The following FBXL13 variants were observed in gnomAD, a reference collection of about 807,000 sequenced individuals.
FBXL13 encodes the protein F-box and leucine rich repeat protein 13.
A neutral mutation model predicts 83.6 loss-of-function variants in FBXL13; 67 were observed. The observed-to-expected ratio is 0.80, with a 90% CI of 0.66 to 0.98. FBXL13 has a LOEUF of 0.98. Among genes scored for constraint, FBXL13 ranks in the 50% least tolerant of loss-of-function variants. The pLI is 0.00. For synonymous variants in FBXL13, 272 were observed against 299.5 expected, an observed-to-expected ratio of 0.91 and a Z score of 0.95; for missense variants, 822 against 866.5, an observed-to-expected ratio of 0.95 and a Z score of 0.64.
intron 6 of FBXL13, among the ~76,000 whole-genome samples, chr7:103,024,457 G>T (rs559690602): frequency 1.3e-4 from 20 of 150,928 alleles, no homozygotes; most frequent in Middle Eastern, 6.8e-3. Flanking sequence ...AACCCAGGAG[G>T]CGGAGGTTGC....
At chr7:102,893,676 G>A (rs1434693212) in intron 11 of FBXL13, among the ~76,000 whole-genome samples, 2 of 151,352 alleles carry the variant, frequency 1.3e-5, no homozygotes, top group African/African-American at 2.4e-5. Flanking sequence ...GCTGAGGCAG[G>A]AGAATGGTGT....
chr7:102,885,003 T>G (rs1208373789), intron 11 of FBXL13, among the ~76,000 whole-genome samples: 3 of 152,218 alleles, frequency 2.0e-5, no homozygotes, highest in Non-Finnish European at 4.4e-5. Context: ...TAATATCCTA[T>G]TCAATGGAAA....
intron 16 of FBXL13, among the ~76,000 whole-genome samples, chr7:102,856,546 T>C (rs891734381): frequency 7.2e-5 from 11 of 152,218 alleles, no homozygotes; most frequent in African/African-American, 2.7e-4. Context: ...TAACAACATA[T>C]ATGCTTACTA....
At chr7:102,871,490 A>G (rs925767336) in intron 16 of FBXL13, among the ~76,000 whole-genome samples, 47 of 151,698 alleles carry the variant, frequency 3.1e-4, no homozygotes, top group Non-Finnish European at 8.8e-5. Context: ...GGCTCAAGTG[A>G]TCCTCCCACC....
intron 17 of FBXL13, among the ~76,000 whole-genome samples, chr7:102,849,124 T>C (rs572617521): frequency 6.6e-6 from 1 of 152,314 alleles, no homozygotes; most frequent in Admixed American, 6.5e-5. Context: ...TTCTTTGCCA[T>C]ACTTTGCCGT....
At chr7:103,042,450 C>A (rs1226804661) in intron 2 of FBXL13, among the ~76,000 whole-genome samples, 1 of 152,166 alleles carries the variant, frequency 6.6e-6, no homozygotes, top group Non-Finnish European at 1.5e-5. Flanking sequence ...CACTGACTTT[C>A]TTCACAGAAT....
At chr7:102,844,043 C>T (rs1454088691) in intron 17 of FBXL13, among the ~76,000 whole-genome samples, 2 of 152,124 alleles carry the variant, frequency 1.3e-5, no homozygotes, top group African/African-American at 4.8e-5. Flanking sequence ...AGAATATAAG[C>T]CACAAACCAG....
At chr7:103,036,730 T>C (rs1795108786) in intron 2 of FBXL13, among the ~76,000 whole-genome samples, 1 of 152,182 alleles carries the variant, frequency 6.6e-6, no homozygotes, top group South Asian at 2.1e-4. Flanking sequence ...CAGGCTGCTC[T>C]TGAACTCCTG....
At chr7:102,851,001 A>G (rs1805125183) in intron 17 of FBXL13, among the ~76,000 whole-genome samples, 1 of 152,214 alleles carries the variant, frequency 6.6e-6, no homozygotes, top group African/African-American at 2.4e-5. Flanking sequence ...CTGTCAAACA[A>G]CCATTCAGAA....
chr7:102,954,323 T>C (rs1823904280), intron 8 of FBXL13, among the ~76,000 whole-genome samples: 1 of 152,206 alleles, frequency 6.6e-6, no homozygotes. Flanking sequence ...AATAAGATCC[T>C]TTACAGACAA....
At chr7:102,972,249 A>T (rs1031637951) in intron 6 of FBXL13, among the ~76,000 whole-genome samples, 2 of 152,220 alleles carry the variant, frequency 1.3e-5, no homozygotes, top group African/African-American at 4.8e-5. Context: ...ATAAGATGGA[A>T]CAAAAACACT....
chr7:102,884,954 G>A (rs1026801839), intron 11 of FBXL13, among the ~76,000 whole-genome samples: 4 of 152,074 alleles, frequency 2.6e-5, no homozygotes, highest in Admixed American at 2.6e-4. Flanking sequence ...CATGCACATT[G>A]TAGCATGCAT....
chr7:103,002,031 A>T (rs1353036500), intron 6 of FBXL13, among the ~76,000 whole-genome samples: 1 of 152,086 alleles, frequency 6.6e-6, no homozygotes, highest in Non-Finnish European at 1.5e-5. Flanking sequence ...GACTACTGCC[A>T]TTCTGTTACT....
At chr7:102,875,898 C>CTGA (rs1809176958) in intron 16 of FBXL13, among the ~76,000 whole-genome samples, 1 of 152,108 alleles carries the variant, frequency 6.6e-6, no homozygotes, top group African/African-American at 2.4e-5. Context: ...GGAAATGCAG[C>CTGA]TGATGATGAT....
intron 14 of FBXL13, among the ~76,000 whole-genome samples, chr7:102,880,872 C>T (rs563685709): frequency 2.0e-5 from 3 of 152,228 alleles, no homozygotes; most frequent in Admixed American, 2.0e-4. Context: ...TTGAGTCTTG[C>T]TCAGAGCTGA....
At chr7:103,063,289 CTT>C (rs1021578571) in intron 1 of FBXL13, among the ~76,000 whole-genome samples, 9 of 152,280 alleles carry the variant, frequency 5.9e-5, no homozygotes, top group African/African-American at 1.9e-4. Flanking sequence ...AATGTTTCCT[CTT>C]GTCATTATTC....
chr7:102,883,520 G>A (rs757132659), intron 13 of FBXL13, 48 bp downstream of exon 14: 2 of 1,587,942 alleles, frequency 1.3e-6, no homozygotes, highest in Non-Finnish European at 1.7e-6. Context: ...AATGCCACAA[G>A]AGTAAAAGTA....
chr7:103,014,921 C>CAAAA (rs1166056647), intron 6 of FBXL13, among the ~76,000 whole-genome samples: 4 of 20,620 alleles, frequency 1.9e-4, no homozygotes, highest in African/African-American at 2.3e-4. Context: ...GACTCCGTCT[C>CAAAA]AAAAAAAAAA....
intron 11 of FBXL13, among the ~76,000 whole-genome samples, chr7:102,884,655 T>A (rs534234661): frequency 7.2e-5 from 11 of 152,168 alleles, no homozygotes; most frequent in East Asian, 1.9e-4. Flanking sequence ...TTTAAAAAAA[T>A]TTTTTTAATT....
Sources: gnomAD v4.1 joint callset for allele counts (sites outside exome capture counted in the v4.1 genomes callset) on GRCh38, gnomAD v4.1.1 for gene constraint, MANE v1.5 for transcripts, NCBI Gene and HGNC (gene_info 2026-07-23, HGNC 2026-07-21) for gene names.